CCDC73: variants seen among roughly 807,000 people sequenced by gnomAD.
The protein encoded by CCDC73 is coiled-coil domain-containing protein 73.
In CCDC73, 95 loss-of-function variants were observed where a neutral mutation model predicts 116.5. The observed-to-expected ratio is 0.82, with a 90% CI of 0.69 to 0.97. CCDC73 has a LOEUF of 0.97. Among genes scored for constraint, CCDC73 ranks in the 50% least tolerant of loss-of-function variants. The pLI is 0.00. For synonymous variants in CCDC73, 398 were observed against 401.3 expected, an observed-to-expected ratio of 0.99 and a Z score of 0.10; for missense variants, 1,066 against 1,206.8, an observed-to-expected ratio of 0.88 and a Z score of 1.73.
intron 2 of CCDC73, among the ~76,000 whole-genome samples, chr11:32,723,424 T>C (rs567878585): frequency 6.6e-6 from 1 of 152,206 alleles, no homozygotes; most frequent in Non-Finnish European, 1.5e-5. Context: ...ACCAAGAAAC[T>C]ATCTGGAAGA....
rs542384987 is a variant in CCDC73, at chr11:32,702,640, C to T, written c.279+233G>A. On this transcript the variant is annotated intron_variant, in intron 4 of 17. Transcript: ENST00000335185. ...ATTCAGGACAGATGAAAATATATTT[C>T]CATCTCCAAGAAAATAGTTTTCCCA... 7.9e-5 allele frequency among the ~76,000 whole-genome samples: 12 copies of T among 152,318 alleles called. No individual in the cohort carries two copies. The South Asian group carries it at 2.5e-3, about 32-fold the overall frequency.
rs908455549 is a variant in CCDC73, at chr11:32,647,884, T to C, written c.939+5239A>G. Among the ~76,000 whole-genome samples the C allele has an allele frequency of 4.0e-5, 6 of 151,430 alleles. 1 individual carries two copies. The highest frequency in any genetic ancestry group is 3.3e-4 in the Admixed American group (5 of 15,214). Reference sequence around the variant, plus strand: ...TTGCCATTTTCATTCATGTTAAATATTCACATCATAGTTAATTTCAAACTA... The same window carrying C: ...TTGCCATTTTCATTCATGTTAAATACTCACATCATAGTTAATTTCAAACTA... On this transcript the variant is annotated intron_variant, in intron 12 of 17. Transcript: ENST00000335185.
chr11:32,695,433 T>G (rs1487164792), intron 6 of CCDC73, among the ~76,000 whole-genome samples: 2 of 151,970 alleles, frequency 1.3e-5, no homozygotes, highest in African/African-American at 4.8e-5. Context: ...GCTTGGCAAG[T>G]TGCATAGCTG....
At chr11:32,681,371 A>AT (rs1204185316) in intron 7 of CCDC73, 1 of 151,894 alleles carries the variant, frequency 6.6e-6, no homozygotes, top group African/African-American at 2.4e-5. Flanking sequence ...ATGTCCTAAG[A>AT]TTTCTCTCTC....
the CCDC73 span, among the ~76,000 whole-genome samples, chr11:32,818,602 T>C: frequency 4.6e-5 from 7 of 152,318 alleles, no homozygotes; most frequent in East Asian, 1.3e-3. Context: ...CAAAAACTTG[T>C]ACATGAGTGT....
intron 17 of CCDC73, chr11:32,603,287 A>G (rs1855301047): frequency 3.2e-6 from 1 of 314,100 alleles, no homozygotes; most frequent in Non-Finnish European, 5.8e-6. Context: ...GCTTCAGAAC[A>G]CCATTGTTGA....
At chr11:32,768,460 C>CTTT (rs1368859280) in intron 1 of CCDC73, among the ~76,000 whole-genome samples, 1 of 151,150 alleles carries the variant, frequency 6.6e-6, no homozygotes, top group Non-Finnish European at 1.5e-5. Context: ...ATCCTAGAAC[C>CTTT]TAAAGTATAG....
At chr11:32,610,934 A>G (rs1855416258) in intron 17 of CCDC73, among the ~76,000 whole-genome samples, 198 bp downstream of exon 17, 1 of 152,196 alleles carries the variant, frequency 6.6e-6, no homozygotes, top group South Asian at 2.1e-4. Context: ...GCTGGATTGT[A>G]TCTATTTGAT....
At chr11:32,747,394 C>G (rs1850249536) in intron 2 of CCDC73, among the ~76,000 whole-genome samples, 1 of 152,088 alleles carries the variant, frequency 6.6e-6, no homozygotes, top group Non-Finnish European at 1.5e-5. Context: ...GGTCAGGGAC[C>G]CATTTGAGGC....
At chr11:32,747,721 G>A (rs1850252518) in intron 2 of CCDC73, among the ~76,000 whole-genome samples, 1 of 152,218 alleles carries the variant, frequency 6.6e-6, no homozygotes, top group Non-Finnish European at 1.5e-5. Context: ...GCACTAGCAA[G>A]CAAGCAAGGC....
intron 4 of CCDC73, 36 bp from the exon 5 acceptor site, chr11:32,700,862 C>T (rs766242570): frequency 6.7e-6 from 8 of 1,194,968 alleles, no homozygotes; most frequent in African/African-American, 3.1e-5. Flanking sequence ...ATAAAGGGAT[C>T]ACTGTTAACA....
the CCDC73 span, chr11:32,829,941 T>G: frequency 3.7e-3 from 3,683 of 985,514 alleles, 96 homozygotes; most frequent in African/African-American, 0.059. Flanking sequence ...GTCGGCCGCC[T>G]CCCCGGACCG....
chr11:32,609,583 T>C (rs960864341), intron 17 of CCDC73, among the ~76,000 whole-genome samples: 13 of 150,352 alleles, frequency 8.6e-5, no homozygotes, highest in African/African-American at 3.1e-4. Context: ...CTTGGCCTGT[T>C]ACCCAGTTCC....
chr11:32,714,393 A>G, intron 3 of CCDC73, among the ~76,000 whole-genome samples: 1 of 152,234 alleles, frequency 6.6e-6, no homozygotes, highest in South Asian at 2.1e-4. Flanking sequence ...AAACACTCCA[A>G]GGGACTAATG....
Position 32,716,687 on chromosome 11 carries a change from G to A in CCDC73, c.207+1389C>T, listed in dbSNP as rs577868208. ...AGTGATCCTCCCACCTCAGCCTCCC[G>A]AGGAGCTAGGACTACAGGCACACAC... On this transcript the variant is annotated intron_variant, in intron 3 of 17. Transcript: ENST00000335185. Among the ~76,000 whole-genome samples the A allele has an allele frequency of 9.9e-5, 15 of 152,166 alleles. No homozygotes were observed. In the East Asian group the frequency reaches 1.5e-3, roughly 16 times the overall value.
At chr11:32,805,573 A>G in the CCDC73 span, among the ~76,000 whole-genome samples, 2 of 152,230 alleles carry the variant, frequency 1.3e-5, no homozygotes, top group Non-Finnish European at 2.9e-5. Flanking sequence ...TTAAACAAAA[A>G]TATAAAACAC....
intron 8 of CCDC73, 57 bp from the exon 9 acceptor site, chr11:32,675,701 G>GT (rs1462467864): frequency 1.0e-5 from 14 of 1,381,534 alleles, no homozygotes; most frequent in African/African-American, 1.5e-5. Flanking sequence ...TTCAAAGAAA[G>GT]TATCATTAAG....
chr11:32,766,805 T>C (rs1565097131), intron 1 of CCDC73, among the ~76,000 whole-genome samples: 1 of 152,020 alleles, frequency 6.6e-6, no homozygotes, highest in Non-Finnish European at 1.5e-5. Context: ...AAACCACTGC[T>C]CAATGAAATA....
chr11:32,699,899 TATAA>T (rs1849797262), intron 5 of CCDC73, among the ~76,000 whole-genome samples: 3 of 148,854 alleles, frequency 2.0e-5, no homozygotes, highest in African/African-American at 7.4e-5. Context: ...TATATATATA[TATAA>T]AAAGAACCAA....
Sources: allele counts gnomAD v4.1 joint callset (sites outside exome capture counted in the v4.1 genomes callset), GRCh38; gene constraint gnomAD v4.1.1; transcripts MANE v1.5; gene names NCBI Gene and HGNC (gene_info 2026-07-23, HGNC 2026-07-21).